The following TNNI3 variants were observed in gnomAD, a reference collection of about 807,000 sequenced individuals.
TNNI3 encodes troponin I, cardiac muscle.
A neutral mutation model predicts 31.5 loss-of-function variants in TNNI3; 23 were observed. The observed-to-expected ratio is 0.73, with a 90% CI of 0.52 to 1.03. TNNI3 has a LOEUF of 1.03. Ranked by LOEUF, TNNI3 falls within the 50% of genes least tolerant of loss-of-function variation. TNNI3 has a pLI of 0.00. For synonymous variants in TNNI3, 120 were observed against 111.7 expected (o/e 1.07, Z -0.47); for missense variants, 236 against 282.9 (o/e 0.83, Z 1.19).
rs565233412 is a variant in TNNI3 at position 55,156,377 on chromosome 19, G to A, written c.151-45C>T. ...AAGCGCAGCCCACCCGGGGCTTCAGGATAAAGACCAGGCGTGGGGAACCGC... is the reference window on the plus strand; with the variant it reads ...AAGCGCAGCCCACCCGGGGCTTCAGAATAAAGACCAGGCGTGGGGAACCGC... On this transcript the variant is annotated intron_variant, in intron 4 of 7. Transcript: ENST00000344887. This position sits in a 1 kb window ranked among gnomAD's most constrained non-coding sequence, Gnocchi z 4.6. The A allele has an allele frequency of 6.3e-7, 1 of 1,590,774 alleles. No homozygotes were observed. Among genetic ancestry groups the A allele is most frequent in the East Asian group, 2.2e-5 (1 of 44,474 alleles).
rs2085738889 is a variant in TNNI3, at chr19:55,157,120, C to T, written c.38G>A (p.Arg13His). Residue 13 changes from arginine (R) to histidine (H), a missense_variant, in exon 3 of 8, where the codon CGC becomes CAC. By Grantham distance (29) the Arg-to-His change is conservative. Coordinates refer to ENST00000344887, the MANE Select transcript of TNNI3 (RefSeq NM_000363.5). The surrounding 1 kb of genome is among the most constrained non-coding windows in gnomAD (Gnocchi z 6.3). ...DGSSDAAREP[R>H]PAPAPIRRRS... The stretch of plus-strand genomic sequence containing the variant: ...GCGTCTGATTGGGGCTGGTGCAGGG[C>T]GAGGTTCCCTAGCCTGGGTTAGGAG... 3 of 1,601,960 alleles carry T rather than the reference C, an allele frequency of 1.9e-6. No homozygotes were observed. The highest frequency in any genetic ancestry group is 2.3e-5 in the South Asian group (2 of 88,402).
Position 55,152,300 on chromosome 19 carries a change from C to T in TNNI3, c.550-383G>A, listed in dbSNP as rs541998085. ...TGTCTGCCTTATGCCCTTCCTGTCT[C>T]CTTCCTTCTCTTCTTATTATAGTAG... On this transcript the variant is annotated intron_variant, in intron 7 of 7. Coordinates refer to ENST00000344887, the MANE Select transcript of TNNI3 (RefSeq NM_000363.5). This position sits in a 1 kb window ranked among gnomAD's most constrained non-coding sequence, Gnocchi z 4.0. Among the ~76,000 whole-genome samples the T allele has an allele frequency of 6.6e-6, 1 of 152,332 alleles. No individual in the cohort carries two copies. The highest frequency in any genetic ancestry group is 2.4e-5 in the African/African-American group (1 of 41,562).
rs967958140 is a variant in TNNI3 at position 55,152,970 on chromosome 19, T to C, written c.550-1053A>G. ...ACCCACGACCACGCCCAGCAAATGT[T>C]TGTATTTTTACTACAGGTGGGGTTT... On this transcript the variant is annotated intron_variant, in intron 7 of 7. Coordinates refer to ENST00000344887, the MANE Select transcript of TNNI3 (RefSeq NM_000363.5). The surrounding 1 kb of genome is among the most constrained non-coding windows in gnomAD (Gnocchi z 4.0). Among the ~76,000 whole-genome samples the C allele has an allele frequency of 2.1e-4, 32 of 152,240 alleles. No homozygotes were observed. Among genetic ancestry groups the C allele is most frequent in the African/African-American group, 7.7e-4 (32 of 41,546 alleles).
Position 55,156,591 on chromosome 19 carries a change from G to T in TNNI3, c.150+12C>A, listed in dbSNP as rs767787340. The T allele has an allele frequency of 3.9e-5, 60 of 1,556,626 alleles. No individual in the cohort carries two copies. Among genetic ancestry groups the T allele is most frequent in the Middle Eastern group, 1.7e-4 (1 of 5,974 alleles). ...CACCTGCCTGCTCTTTCCCAGTCCC[G>T]CCCGTCCTCACCTTCAGCTGCAATT... is the stretch of plus-strand genomic sequence containing the variant. On this transcript the variant is annotated intron_variant, in intron 4 of 7. Transcript: ENST00000344887. The surrounding 1 kb of genome is among the most constrained non-coding windows in gnomAD (Gnocchi z 4.6).
At position 55,156,604 on chromosome 19, in the gene TNNI3, T is replaced by G; in HGVS notation, c.149A>C (p.Lys50Thr). The change falls in exon 4 of 8, where the codon AAG becomes ACG. Residue 50 changes from lysine to threonine, a missense_variant and splice_region_variant. Physicochemically the swap from Lys to Thr is moderately conservative, Grantham distance 78. This residue lies in a region of TNNI3 where 172 missense variants were observed against 171.8 expected (regional missense o/e 1.00). Coordinates refer to ENST00000344887, the MANE Select transcript of TNNI3 (RefSeq NM_000363.5). The surrounding 1 kb of genome is among the most constrained non-coding windows in gnomAD (Gnocchi z 4.6). ...TTTCCCAGTCCCGCCCGTCCTCACC[T>G]TCAGCTGCAATTTTCTCGAGGCGGA... ...KISASRKLQL[K>T]TLLLQIAKQE... The G allele has an allele frequency of 6.4e-7, 1 of 1,562,142 alleles. No homozygotes were observed. Among genetic ancestry groups the G allele is most frequent in the African/African-American group, 1.4e-5 (1 of 73,284 alleles).
rs147232119 is a variant in TNNI3 at position 55,156,470 on chromosome 19, C to G, written c.150+133G>C. ...AGGCCCCGTCCCACCCCGAGCAGTA[C>G]TCCCCGCTAAAGCCACGCCCCGAGC... On this transcript the variant is annotated intron_variant, in intron 4 of 7. Transcript: ENST00000344887. The surrounding 1 kb of genome is among the most constrained non-coding windows in gnomAD (Gnocchi z 4.6). The G allele has an allele frequency of 1.1e-5, 17 of 1,500,550 alleles. No individual in the cohort carries two copies. The highest frequency in any genetic ancestry group is 1.5e-5 in the Non-Finnish European group (17 of 1,108,570). 93.0% of individuals were successfully genotyped at this position (1,500,550 alleles called of 1,614,324 possible).
chr19:55,156,436 A>G lies in TNNI3; in HGVS notation c.151-104T>C, dbSNP rs1346337293. ...TTCTAAACCCTCCAGTTTGGTCTCC[A>G]CTGTTCCAAGGCCCCGTCCCACCCC... On this transcript the variant is annotated intron_variant, in intron 4 of 7. Transcript: ENST00000344887. The surrounding 1 kb of genome is among the most constrained non-coding windows in gnomAD (Gnocchi z 4.6). 6.6e-7 allele frequency: 1 copy of G among 1,520,802 alleles called. No individual in the cohort carries two copies. Among genetic ancestry groups the G allele is most frequent in the African/African-American group, 1.4e-5 (1 of 72,726 alleles). The allele number at this position is 1,520,802 out of a possible 1,614,324, so 94.2% of individuals were successfully genotyped here.
chr19:55,154,573 T>C, intron 6 of TNNI3, 168 bp downstream of exon 6: 1 of 712,778 alleles, frequency 1.4e-6, no homozygotes, highest in Admixed American at 2.0e-5. Context: ...AGAACAGCTT[T>C]CCTTGACTAT....
rs1599909731 is a variant in TNNI3, at chr19:55,154,827, A to G, written c.286T>C (p.Leu96=). 6.2e-7 allele frequency: 1 copy of G among 1,614,150 alleles called. No homozygotes were observed. The highest frequency in any genetic ancestry group is 8.5e-7 in the Non-Finnish European group (1 of 1,179,974). ...AGLGFAELQD[L]CRQLHARVDK... Reference sequence around the variant, plus strand: ...ACACGGGCGTGGAGCTGTCGGCACAAGTCCTGGAGGAGGAACGTGGTGTGT... The same window carrying G: ...ACACGGGCGTGGAGCTGTCGGCACAGGTCCTGGAGGAGGAACGTGGTGTGT... The change falls in exon 6 of 8, where the codon TTG becomes CTG. Residue 96 remains leucine, a synonymous_variant. Coordinates refer to ENST00000344887, the MANE Select transcript of TNNI3 (RefSeq NM_000363.5).
Position 55,156,054 on chromosome 19 carries a change from G to T in TNNI3, c.282+147C>A, listed in dbSNP as rs187194977. The T allele has an allele frequency of 1.7e-6, 2 of 1,207,772 alleles. No individual in the cohort carries two copies. The highest frequency in any genetic ancestry group is 2.4e-6 in the Non-Finnish European group (2 of 832,360). 74.8% of individuals were successfully genotyped at this position (1,207,772 alleles called of 1,614,324 possible). A position where few individuals can be genotyped will look rare whatever the true frequency, so the allele number is the denominator to read the frequency against. ...AAGACTCCACAGACCTGCACACAAA[G>T]GGTGTTAGGGGCCAGGAGTCCCACG... On this transcript the variant is annotated intron_variant, in intron 5 of 7. Transcript: ENST00000344887. This position sits in a 1 kb window ranked among gnomAD's most constrained non-coding sequence, Gnocchi z 4.6.
chr19:55,157,700 C>A lies in TNNI3; in HGVS notation c.-111G>T. 1 of 1,316,550 alleles carries A rather than the reference C, an allele frequency of 7.6e-7. No individual in the cohort carries two copies. Among genetic ancestry groups the A allele is most frequent in the South Asian group, 1.2e-5 (1 of 81,896 alleles). The allele number at this position is 1,316,550 out of a possible 1,614,324, so 81.6% of individuals were successfully genotyped here. A position where few individuals can be genotyped will look rare whatever the true frequency, so the allele number is the denominator to read the frequency against. ...TCAGGGTCCCAGGGACCGTCAGTCTCCTCCGGGCTGCTTGAGACTCCCCGA... is the reference window on the plus strand; with the variant it reads ...TCAGGGTCCCAGGGACCGTCAGTCTACTCCGGGCTGCTTGAGACTCCCCGA... On this transcript the variant is annotated 5_prime_UTR_variant, in exon 1 of 8. Transcript: ENST00000344887. This position sits in a 1 kb window ranked among gnomAD's most constrained non-coding sequence, Gnocchi z 6.3.
At position 55,152,982 on chromosome 19, in the gene TNNI3, T is replaced by G. The variant is rs1426198879; in HGVS notation, c.549+1048A>C. On this transcript the variant is annotated intron_variant, in intron 7 of 7. Coordinates refer to ENST00000344887, the MANE Select transcript of TNNI3 (RefSeq NM_000363.5). This position sits in a 1 kb window ranked among gnomAD's most constrained non-coding sequence, Gnocchi z 4.0. Reference sequence around the variant, plus strand: ...GCCCAGCAAATGTTTGTATTTTTACTACAGGTGGGGTTTCACTGTGTTGGC... The same window carrying G: ...GCCCAGCAAATGTTTGTATTTTTACGACAGGTGGGGTTTCACTGTGTTGGC... Among the ~76,000 whole-genome samples, 1 of 152,150 alleles carries G rather than the reference T, an allele frequency of 6.6e-6. No individual in the cohort carries two copies. The highest frequency in any genetic ancestry group is 1.5e-5 in the Non-Finnish European group (1 of 68,030).
rs985479969 is a variant in TNNI3 at position 55,154,323 on chromosome 19, A to G, written c.373-117T>C. On this transcript the variant is annotated intron_variant, in intron 6 of 7. Transcript: ENST00000344887. The stretch of plus-strand genomic sequence containing the variant: ...CGTCTTCCAGTACCGAGGCCTTACC[A>G]GTCTCTTCCCGGCTTAGGCTCCCAG... The G allele has an allele frequency of 7.2e-6, 8 of 1,109,280 alleles. 1 individual carries two copies. The highest frequency in any genetic ancestry group is 2.5e-4 in the Middle Eastern group (1 of 4,058). The allele number at this position is 1,109,280 out of a possible 1,614,324, so 68.7% of individuals were successfully genotyped here.
At position 55,157,672 on chromosome 19, in the gene TNNI3, C is replaced by A. The variant is rs1184749939; in HGVS notation, c.-83G>T. 1 of 1,550,176 alleles carries A rather than the reference C, an allele frequency of 6.5e-7. No individual in the cohort carries two copies. Among genetic ancestry groups the A allele is most frequent in the Non-Finnish European group, 8.9e-7 (1 of 1,126,560 alleles). ...GTCAGTGAGGGGGCCGCCCGGGTGA[C>A]CTTCAGGGTCCCAGGGACCGTCAGT... On this transcript the variant is annotated 5_prime_UTR_variant, in exon 1 of 8. Transcript: ENST00000344887. This position sits in a 1 kb window ranked among gnomAD's most constrained non-coding sequence, Gnocchi z 6.3.
chr19:55,154,974 T>C, intron 5 of TNNI3, 144 bp from the exon 6 acceptor site: 1 of 586,938 alleles, frequency 1.7e-6, no homozygotes, highest in Non-Finnish European at 3.0e-6. Context: ...CTCCTGGGTC[T>C]GAGGGAGGAG....
intron 7 of TNNI3, 82 bp from the exon 8 acceptor site, chr19:55,151,999 G>T: frequency 1.5e-6 from 2 of 1,293,274 alleles, no homozygotes; most frequent in Non-Finnish European, 1.1e-6. Context: ...CCTCCAGCCT[G>T]TGGGGCCACT....
intron 5 of TNNI3, among the ~76,000 whole-genome samples, chr19:55,155,880 C>G (rs1436716464): frequency 0.022 from 509 of 23,276 alleles, no homozygotes; most frequent in Admixed American, 0.045. Context: ...TTCAGGGTCT[C>G]AGGGAGGAGG....
In TNNI3 at chr19:55,154,757, G is replaced by A. The variant is rs184709702; in HGVS notation, c.356C>T (p.Thr119Ile). ...GCGTCCCACCTCCGTGATGTTCTTG[G>A]TGACTTTTGCCTCTATGTCGTATCT... ...EERYDIEAKV[T>I]KNITEIADLT... The change falls in exon 6 of 8, where the codon ACC (threonine) becomes ATC (isoleucine). Residue 119 changes from threonine to isoleucine, a missense_variant. Around this residue, in one of 4 missense-constraint regions of TNNI3, gnomAD observed 172 missense variants for 171.8 expected, o/e 1.00. Transcript: ENST00000344887. 5.6e-6 allele frequency: 9 copies of A among 1,614,048 alleles called. No individual in the cohort carries two copies. The highest frequency in any genetic ancestry group is 7.6e-6 in the Non-Finnish European group (9 of 1,180,018).
At chr19:55,154,348 G>T in intron 6 of TNNI3, 142 bp from the exon 7 acceptor site, 1 of 882,074 alleles carries the variant, frequency 1.1e-6, no homozygotes, top group Non-Finnish European at 1.8e-6. Context: ...TAGGCTCCCA[G>T]TCTAGGCTTC....
Sources: gnomAD v4.1 joint callset for allele counts (sites outside exome capture counted in the v4.1 genomes callset) on GRCh38, gnomAD v4.1.1 for gene constraint, gnomAD v4.1.1 regional missense constraint, Gnocchi (gnomAD v3.1) non-coding constraint, MANE v1.5 for transcripts, NCBI Gene and HGNC (gene_info 2026-07-23, HGNC 2026-07-21) for gene names.